The following TRIM33 variants were observed in gnomAD, a reference collection of about 807,000 sequenced individuals.
The protein encoded by TRIM33 is E3 ubiquitin-protein ligase TRIM33.
Under a neutral mutation model 125.4 loss-of-function variants are expected in TRIM33, and 20 were observed. That is an observed-to-expected ratio of 0.16 (90% CI 0.11 to 0.23). TRIM33 has a LOEUF of 0.23. TRIM33 is among the 10% of genes least tolerant of loss of function. The pLI, the probability that TRIM33 is intolerant of heterozygous loss-of-function variation, is 1.00. For missense variants in TRIM33, 920 were observed against 1,411.4 expected, an observed-to-expected ratio of 0.65 and a Z score of 5.58; for synonymous variants, 564 against 513.9, an observed-to-expected ratio of 1.10 and a Z score of -1.32.
chr1:114,473,715 T>C (rs758469033), intron 1 of TRIM33, among the ~76,000 whole-genome samples: 5 of 152,020 alleles, frequency 3.3e-5, no homozygotes, highest in African/African-American at 7.3e-5. Flanking sequence ...GAAGAGAAAT[T>C]TAGAACTCAT....
intron 1 of TRIM33, chr1:114,490,901 C>T (rs1227612641): frequency 6.6e-6 from 1 of 152,044 alleles, no homozygotes; most frequent in Non-Finnish European, 1.5e-5. Context: ...GAAGGTCAGC[C>T]ACATAAGACC....
rs1647685315 is a variant in TRIM33 at position 114,427,787 on chromosome 1, T to G, written c.1263A>C (p.Ala421=). 6.2e-7 allele frequency: 1 copy of G among 1,614,186 alleles called. No homozygotes were observed. The highest frequency in any genetic ancestry group is 2.2e-5 in the East Asian group (1 of 44,882). Residue 421 remains alanine, a synonymous_variant, in exon 7 of 20, where the codon GCA becomes GCC. Transcript: ENST00000358465. ...HVMNFTNWAI[A]SGSSTALLYS... ...ATAGTAGTGCTGTGCTGCTGCCACT[T>G]GCAATTGCCCAATTTGTGAAGTTCA...
intron 1 of TRIM33, among the ~76,000 whole-genome samples, chr1:114,467,779 T>A (rs1160517771): frequency 6.6e-6 from 1 of 152,244 alleles, no homozygotes. Context: ...TAAAGTCAGC[T>A]GACTCTTAGC....
intron 1 of TRIM33, among the ~76,000 whole-genome samples, chr1:114,466,146 G>GA (rs1471676128): frequency 6.6e-6 from 1 of 151,832 alleles, no homozygotes; most frequent in African/African-American, 2.4e-5. Flanking sequence ...AGGGGAAAAG[G>GA]AAAAATATTT....
rs749186413 is a variant in TRIM33, at chr1:114,425,658, G to C, written c.1486C>G (p.Pro496Ala). The change falls in exon 9 of 20, where the codon CCT becomes GCT. Residue 496 changes from proline to alanine, a missense_variant. Physicochemically the swap from Pro to Ala is conservative, Grantham distance 27. This residue lies in a region of TRIM33 where 407 missense variants were observed against 589.7 expected (regional missense o/e 0.69). Transcript: ENST00000358465. ...TTACTAATGTGGTTTGTCCCTGGAG[G>C]AACTTGCCCAACTACAACATTAGGA... ...YTPNVVVGQV[P>A]PGTNHISKTP... The C allele has an allele frequency of 1.1e-4, 179 of 1,613,986 alleles. No homozygotes were observed. The highest frequency in any genetic ancestry group is 1.4e-4 in the Non-Finnish European group (171 of 1,180,028).
chr1:114,421,369 A>T, intron 11 of TRIM33, 67 bp downstream of exon 11: 1 of 1,433,880 alleles, frequency 7.0e-7, no homozygotes. Flanking sequence ...AAAAACTCTG[A>T]AATAAATACT....
Position 114,406,986 on chromosome 1 carries a change from A to C in TRIM33, c.2373T>G (p.Gly791=). ...TEDEICSFSG[G]VKQEKTEDGR... ...CATCCTCTGTTTTTTCTTGTTTTAC[A>C]CCTCCTGAAAAGCTACATATTTCAT... The change falls in exon 14 of 20, where the codon GGT becomes GGG. Residue 791 remains glycine (G), a synonymous_variant. Transcript: ENST00000358465. 6.2e-7 allele frequency: 1 copy of C among 1,613,922 alleles called. No homozygotes were observed. The highest frequency in any genetic ancestry group is 1.1e-5 in the South Asian group (1 of 91,072).
chr1:114,463,758 C>A (rs1249700195), intron 2 of TRIM33, among the ~76,000 whole-genome samples: 1 of 148,260 alleles, frequency 6.7e-6, no homozygotes, highest in Non-Finnish European at 1.5e-5. Flanking sequence ...GAAGTCTGTG[C>A]AGATTTGACT....
At chr1:114,437,119 G>A (rs1483951744) in intron 4 of TRIM33, among the ~76,000 whole-genome samples, 8 of 152,040 alleles carry the variant, frequency 5.3e-5, no homozygotes, top group Non-Finnish European at 1.0e-4. Flanking sequence ...TCAAAGTCCT[G>A]TTTCTAAATA....
intron 5 of TRIM33, among the ~76,000 whole-genome samples, chr1:114,432,117 TAA>T (rs796206485): frequency 6.6e-6 from 1 of 152,224 alleles, no homozygotes; most frequent in South Asian, 2.1e-4. Context: ...ACTGTTTTTT[TAA>T]AAACTTTCTA....
At chr1:114,462,840 A>C (rs982645999) in intron 4 of TRIM33, among the ~76,000 whole-genome samples, 1 of 152,208 alleles carries the variant, frequency 6.6e-6, no homozygotes, top group African/African-American at 2.4e-5. Context: ...AGTAGCAAAC[A>C]AATGCATAAT....
At chr1:114,465,819 A>G (rs1227531968) in intron 1 of TRIM33, among the ~76,000 whole-genome samples, 2 of 152,030 alleles carry the variant, frequency 1.3e-5, no homozygotes, top group African/African-American at 4.8e-5. Flanking sequence ...AGGCGGGCGG[A>G]TCACGAGGTC....
intron 4 of TRIM33, among the ~76,000 whole-genome samples, chr1:114,447,283 GGT>G (rs1649038844): frequency 2.0e-5 from 3 of 152,100 alleles, no homozygotes; most frequent in African/African-American, 7.2e-5. Context: ...GGTAGGAGTT[GGT>G]GATATATTTT....
chr1:114,422,666 G>A (rs1040228534), intron 10 of TRIM33, among the ~76,000 whole-genome samples: 1 of 151,432 alleles, frequency 6.6e-6, no homozygotes, highest in African/African-American at 2.4e-5. Flanking sequence ...AAAAAAACCT[G>A]TAGAAATAAT....
intron 4 of TRIM33, among the ~76,000 whole-genome samples, chr1:114,461,235 TAC>T (rs904628136): frequency 2.1e-5 from 3 of 142,098 alleles, no homozygotes; most frequent in Non-Finnish European, 3.0e-5. Flanking sequence ...TATATATATA[TAC>T]ATATATTTAT....
At chr1:114,502,908 C>T (rs1415439161) in intron 1 of TRIM33, among the ~76,000 whole-genome samples, 2 of 152,122 alleles carry the variant, frequency 1.3e-5, no homozygotes, top group Non-Finnish European at 2.9e-5. Context: ...TTAAAGATCT[C>T]TTTAACATGT....
In TRIM33 at chr1:114,430,803, G is replaced by A; in HGVS notation, c.1150C>T (p.Leu384=). ...NKKGKSLLQQ[L]ENVTKERQMK... The stretch of plus-strand genomic sequence containing the variant: ...ATTTTGGCTTTGAACCATACCTCTA[G>A]CTGTTGTAAGAGAGATTTTCCTTTC... The change falls in exon 6 of 20, where the codon CTA becomes TTA. Residue 384 remains leucine, a synonymous_variant. Coordinates refer to ENST00000358465, the MANE Select transcript of TRIM33 (RefSeq NM_015906.4). 1 of 1,541,154 alleles carries A rather than the reference G, an allele frequency of 6.5e-7. No homozygotes were observed. Among genetic ancestry groups the A allele is most frequent in the Non-Finnish European group, 9.0e-7 (1 of 1,114,360 alleles).
chr1:114,502,695 C>T (rs746785089), intron 1 of TRIM33, among the ~76,000 whole-genome samples: 7 of 151,848 alleles, frequency 4.6e-5, no homozygotes, highest in Non-Finnish European at 8.8e-5. Context: ...TTTCTGGAGT[C>T]GGAGTCTCAC....
chr1:114,510,829 GCCGCAGGA>G lies in TRIM33; in HGVS notation c.240_247del (p.Pro81LeufsTer54). ...CCCGGCAACTCCAGTGCCCACTGAG[GCCGCAGGA>G]GATGAAGCAGCCTGGGCCGAGCCCG... On this transcript the variant is annotated frameshift_variant, in exon 1 of 20. Coordinates refer to ENST00000358465, the MANE Select transcript of TRIM33 (RefSeq NM_015906.4). LOFTEE classifies it high-confidence loss of function. The G allele has an allele frequency of 6.6e-7, 1 of 1,518,498 alleles. No individual in the cohort carries two copies. Among genetic ancestry groups the G allele is most frequent in the Non-Finnish European group, 8.8e-7 (1 of 1,140,258 alleles). The allele number at this position is 1,518,498 out of a possible 1,614,324, so 94.1% of individuals were successfully genotyped here.
Sources: gnomAD v4.1 joint callset for allele counts (sites outside exome capture counted in the v4.1 genomes callset) on GRCh38, gnomAD v4.1.1 for gene constraint, gnomAD v4.1.1 regional missense constraint, MANE v1.5 for transcripts, NCBI Gene and HGNC (gene_info 2026-07-23, HGNC 2026-07-21) for gene names.